The following CHD2 variants were observed in gnomAD, a reference collection of about 807,000 sequenced individuals.
CHD2 encodes the protein chromodomain helicase DNA binding protein 2, also known as ATP-dependent chromatin remodeler CHD2.
In CHD2, 28 loss-of-function variants were observed where a neutral mutation model predicts 243.9. The ratio of observed to expected loss-of-function variants is 0.11; its 90% CI spans 0.09 to 0.16. CHD2 has a LOEUF of 0.16. CHD2 is among the 10% of genes least tolerant of loss of function. CHD2 has a pLI of 1.00. For synonymous variants in CHD2, 775 were observed against 779.0 expected (o/e 0.99, Z 0.09); for missense variants, 1,386 against 2,209.8 (o/e 0.63, Z 7.47).
Position 92,997,630 on chromosome 15 carries a change from T to C in CHD2, c.3885+227T>C. ...TTTTGGGGAAACTGTAGGAGAAATC[T>C]TAAAATTCTGGTATTTAATTATAGG... On this transcript the variant is annotated intron_variant, in intron 30 of 38. Coordinates refer to ENST00000394196, the MANE Select transcript of CHD2 (RefSeq NM_001271.4). This position sits in a 1 kb window ranked among gnomAD's most constrained non-coding sequence, Gnocchi z 4.1. 2.8e-6 allele frequency: 1 copy of C among 354,206 alleles called. No homozygotes were observed. The highest frequency in any genetic ancestry group is 4.9e-5 in the East Asian group (1 of 20,512). The allele number at this position is 354,206 out of a possible 1,614,324, so 21.9% of individuals were successfully genotyped here.
intron 2 of CHD2, chr15:92,902,724 G>T (rs1245569436): frequency 6.6e-6 from 1 of 152,100 alleles, no homozygotes; most frequent in Non-Finnish European, 1.5e-5. Flanking sequence ...GGAAAGTAAT[G>T]ACAATTTGAA....
chr15:92,972,189 T>C, intron 18 of CHD2, 76 bp from the exon 19 acceptor site: 1 of 1,460,556 alleles, frequency 6.8e-7, no homozygotes, highest in Non-Finnish European at 9.3e-7. Flanking sequence ...ATTTTTAAAA[T>C]ATGGATTTGT....
chr15:92,952,646 G>A (rs771933030), intron 13 of CHD2, among the ~76,000 whole-genome samples: 49 of 152,288 alleles, frequency 3.2e-4, no homozygotes, highest in Middle Eastern at 3.4e-3. Flanking sequence ...AATGGGGAGC[G>A]GCTGAAAATA....
At chr15:93,019,271 A>T (rs1172482089) in intron 37 of CHD2, among the ~76,000 whole-genome samples, 1 of 152,170 alleles carries the variant, frequency 6.6e-6, no homozygotes, top group Non-Finnish European at 1.5e-5. Context: ...TAGATGTGTA[A>T]CCGGAGGATA....
At position 92,944,440 on chromosome 15, in the gene CHD2, G is replaced by C; in HGVS notation, c.1078G>C (p.Val360Leu). ...GTTAGGGAAAGTTTCTCCTGAAGAT[G>C]TAGAATATTTCAATTGCCAACAGGA... ...QWLGKVSPED[V>L]EYFNCQQELA... The change falls in exon 10 of 39, where the codon GTA becomes CTA. Residue 360 changes from valine (V) to leucine (L), a missense_variant. Val to Leu is a conservative substitution (Grantham distance 32, BLOSUM62 1). Around this residue, in one of 19 missense-constraint regions of CHD2, gnomAD observed 200 missense variants for 292.5 expected, o/e 0.68. Coordinates refer to ENST00000394196, the MANE Select transcript of CHD2 (RefSeq NM_001271.4). 1 of 1,610,098 alleles carries C rather than the reference G, an allele frequency of 6.2e-7. No homozygotes were observed. The highest frequency in any genetic ancestry group is 8.5e-7 in the Non-Finnish European group (1 of 1,177,056).
At chr15:92,913,302 C>G (rs896218193) in intron 2 of CHD2, among the ~76,000 whole-genome samples, 1 of 152,178 alleles carries the variant, frequency 6.6e-6, no homozygotes, top group Non-Finnish European at 1.5e-5. Flanking sequence ...GTTTCTTCAT[C>G]TTTTAAAATA....
At chr15:92,977,202 C>A (rs2141841959) in intron 20 of CHD2, among the ~76,000 whole-genome samples, 1 of 152,220 alleles carries the variant, frequency 6.6e-6, no homozygotes, top group South Asian at 2.1e-4. Context: ...CTTAATATTT[C>A]TCTTAAGAAT....
rs927205537 is a variant in CHD2, at chr15:92,998,854, C to T, written c.4008+233C>T. 9.9e-5 allele frequency among the ~76,000 whole-genome samples: 15 copies of T among 151,904 alleles called. No homozygotes were observed. Among genetic ancestry groups the T allele is most frequent in the East Asian group, 1.9e-4 (1 of 5,172 alleles). ...ATCCCAGCACTTTGGGAGGCTGAGG[C>T]GGGCGGATCACAAGGTCAGGAGATT... is the stretch of plus-strand genomic sequence containing the variant. On this transcript the variant is annotated intron_variant, in intron 31 of 38. Transcript: ENST00000394196. The surrounding 1 kb of genome is among the most constrained non-coding windows in gnomAD (Gnocchi z 5.1).
At chr15:92,999,978 G>T (rs981605149) in intron 31 of CHD2, among the ~76,000 whole-genome samples, 2 of 152,166 alleles carry the variant, frequency 1.3e-5, no homozygotes, top group African/African-American at 4.8e-5. Flanking sequence ...TGGATATTTT[G>T]GCTGGCAAGG....
At chr15:92,935,193 G>A (rs1037350251) in intron 5 of CHD2, among the ~76,000 whole-genome samples, 3 of 151,898 alleles carry the variant, frequency 2.0e-5, no homozygotes, top group African/African-American at 4.8e-5. Context: ...CCGCCACCAC[G>A]CCTGGCTAAT....
intron 36 of CHD2, among the ~76,000 whole-genome samples, chr15:93,013,313 C>T (rs1273511804): frequency 4.0e-5 from 6 of 150,858 alleles, no homozygotes; most frequent in Admixed American, 6.6e-5. Flanking sequence ...CCGGAAAGGC[C>T]CCAGGAGGGA....
At chr15:92,926,928 G>A (rs2053073107) in intron 3 of CHD2, among the ~76,000 whole-genome samples, 1 of 152,162 alleles carries the variant, frequency 6.6e-6, no homozygotes, top group East Asian at 1.9e-4. Context: ...AAATGTATCA[G>A]TAAATACTTT....
rs141635719 is a variant in CHD2, at chr15:93,000,848, A to G, written c.4137+208A>G. On this transcript the variant is annotated intron_variant, in intron 32 of 38. Transcript: ENST00000394196. ...ATAATGGAAGTAAATGAAGGGGACT[A>G]TGACATTTTTGTTGTTGTTGTTTGT... Among the ~76,000 whole-genome samples the G allele has an allele frequency of 9.9e-5, 15 of 152,258 alleles. No individual in the cohort carries two copies. In the South Asian group the frequency reaches 1.9e-3, roughly 19 times the overall value.
At chr15:93,017,207 A>G (rs1169476240) in intron 37 of CHD2, among the ~76,000 whole-genome samples, 5 of 152,228 alleles carry the variant, frequency 3.3e-5, no homozygotes, top group Non-Finnish European at 1.5e-5. Flanking sequence ...GCTCAGGATC[A>G]CTGATCTCTT....
chr15:92,945,926 A>G, intron 11 of CHD2, 61 bp downstream of exon 11: 4 of 1,477,246 alleles, frequency 2.7e-6, no homozygotes, highest in Non-Finnish European at 2.8e-6. Context: ...TATGTTTTGC[A>G]GATTATTTTG....
At position 92,951,232 on chromosome 15, in the gene CHD2, A is replaced by T. The variant is rs375412442; in HGVS notation, c.1503-2125A>T. Among the ~76,000 whole-genome samples the T allele has an allele frequency of 6.6e-5, 10 of 152,178 alleles. No homozygotes were observed. In the East Asian group the frequency reaches 1.4e-3, roughly 21 times the overall value. The stretch of plus-strand genomic sequence containing the variant: ...GTTGCCCAGGCTGGAGCGCAGTGGC[A>T]TGATCTTGGCTCACTGCAACCTCCG... On this transcript the variant is annotated intron_variant, in intron 13 of 38. Coordinates refer to ENST00000394196, the MANE Select transcript of CHD2 (RefSeq NM_001271.4).
At chr15:92,947,615 T>G (rs2053490616) in intron 12 of CHD2, 1 of 152,240 alleles carries the variant, frequency 6.6e-6, no homozygotes, top group South Asian at 2.1e-4. Context: ...GAGTAAGTAA[T>G]TATTAAAGCC....
chr15:93,016,556 A>G (rs1567165389), intron 37 of CHD2, among the ~76,000 whole-genome samples: 1 of 152,188 alleles, frequency 6.6e-6, no homozygotes, highest in Non-Finnish European at 1.5e-5. Context: ...GTAATCAATA[A>G]ATACATACAA....
Position 93,024,526 on chromosome 15 carries a change from C to T in CHD2, c.5308C>T (p.Leu1770=). Residue 1770 remains leucine, a synonymous_variant, in exon 39 of 39, where the codon CTG becomes TTG. Transcript: ENST00000394196. ...TTACCGCTCTTTCCACACAGATAAA[C>T]TGGGGGAATATAAACAGCCTCTACC... ...DHYRSFHTDK[L]GEYKQPLPPL... 1.2e-6 allele frequency: 2 copies of T among 1,614,208 alleles called. No individual in the cohort carries two copies. Among genetic ancestry groups the T allele is most frequent in the Middle Eastern group, 1.6e-4 (1 of 6,062 alleles).
Sources: gnomAD v4.1 joint callset for allele counts (sites outside exome capture counted in the v4.1 genomes callset) on GRCh38, gnomAD v4.1.1 for gene constraint, gnomAD v4.1.1 regional missense constraint, Gnocchi (gnomAD v3.1) non-coding constraint, MANE v1.5 for transcripts, NCBI Gene and HGNC (gene_info 2026-07-23, HGNC 2026-07-21) for gene names.